Variants in GALM observed in about 807,000 individuals in gnomAD.
The protein encoded by GALM is aldose 1-epimerase.
Under a neutral mutation model 37.4 loss-of-function variants are expected in GALM, and 43 were observed. That is an observed-to-expected ratio of 1.15 (90% CI 0.90 to 1.48). GALM has a LOEUF of 1.48. GALM is among the 40% of genes most tolerant of loss of function. GALM has a pLI of 0.00. For missense variants in GALM, 456 were observed against 419.1 expected (o/e 1.09, Z -0.77); for synonymous variants, 199 against 170.6 (o/e 1.17, Z -1.30).
intron 4 of GALM, among the ~76,000 whole-genome samples, chr2:38,710,268 C>T (rs1164851440): frequency 6.6e-6 from 1 of 152,212 alleles, no homozygotes; most frequent in African/African-American, 2.4e-5. Flanking sequence ...TAGGTCCACA[C>T]TTGGAGGAGC....
intron 4 of GALM, among the ~76,000 whole-genome samples, chr2:38,728,115 C>T (rs971568821): frequency 6.6e-6 from 1 of 152,116 alleles, no homozygotes; most frequent in Admixed American, 6.5e-5. Context: ...CTTTTTAGGC[C>T]AGGAGTGGTG....
At chr2:38,714,285 G>T (rs762347698) in intron 4 of GALM, among the ~76,000 whole-genome samples, 1 of 151,998 alleles carries the variant, frequency 6.6e-6, no homozygotes, top group Non-Finnish European at 1.5e-5. Flanking sequence ...TGTGATCTCG[G>T]CTCACTGCAA....
At chr2:38,726,560 A>G (rs1380998002) in intron 4 of GALM, among the ~76,000 whole-genome samples, 1 of 152,034 alleles carries the variant, frequency 6.6e-6, no homozygotes. Context: ...ACAATGCTGT[A>G]TACAAACCAA....
chr2:38,672,211 C>T (rs575697450), intron 1 of GALM, among the ~76,000 whole-genome samples: 6 of 152,196 alleles, frequency 3.9e-5, no homozygotes, highest in Non-Finnish European at 7.3e-5. Flanking sequence ...CCCAGTGTGC[C>T]TCTGGCAGAG....
intron 4 of GALM, among the ~76,000 whole-genome samples, chr2:38,726,517 C>T (rs1266595834): frequency 1.3e-5 from 2 of 152,054 alleles, no homozygotes; most frequent in East Asian, 1.9e-4. Context: ...TGAGCCACCC[C>T]GCCTGGCCAA....
chr2:38,677,258 G>C (rs1292959506), intron 2 of GALM, among the ~76,000 whole-genome samples: 2 of 152,174 alleles, frequency 1.3e-5, no homozygotes, highest in African/African-American at 4.8e-5. Context: ...CAGGTTATTT[G>C]CTAGAGAAGA....
At chr2:38,715,488 A>G (rs1269677655) in intron 4 of GALM, among the ~76,000 whole-genome samples, 1 of 152,142 alleles carries the variant, frequency 6.6e-6, no homozygotes, top group East Asian at 1.9e-4. Context: ...CCCAGGCTGA[A>G]GTGCAGTGGT....
chr2:38,680,737 A>C (rs960032720), intron 2 of GALM, among the ~76,000 whole-genome samples: 1 of 152,182 alleles, frequency 6.6e-6, no homozygotes, highest in South Asian at 2.1e-4. Context: ...AAGAAAAATC[A>C]TCAAAGAAGA....
At chr2:38,692,528 G>T (rs1665702082) in intron 4 of GALM, among the ~76,000 whole-genome samples, 1 of 152,148 alleles carries the variant, frequency 6.6e-6, no homozygotes, top group Admixed American at 6.6e-5. Flanking sequence ...TGGGATTACA[G>T]GTGTGAGCCA....
chr2:38,674,779 A>T (rs530927952), intron 1 of GALM, among the ~76,000 whole-genome samples: 3 of 152,340 alleles, frequency 2.0e-5, no homozygotes, highest in Admixed American at 2.0e-4. Context: ...AAGCAGTGTT[A>T]TACAGTCCCC....
chr2:38,668,780 AAT>A (rs1665018206), intron 1 of GALM: 3 of 151,338 alleles, frequency 2.0e-5, no homozygotes, highest in African/African-American at 4.9e-5. Flanking sequence ...AATAAAAATA[AAT>A]AAATAAATAA....
intron 1 of GALM, among the ~76,000 whole-genome samples, chr2:38,671,162 G>C (rs565884429): frequency 6.6e-6 from 1 of 152,128 alleles, no homozygotes; most frequent in Non-Finnish European, 1.5e-5. Context: ...TAGGAACTTT[G>C]AACATTTTCA....
At chr2:38,690,709 A>G (rs1201124466) in intron 4 of GALM, among the ~76,000 whole-genome samples, 1 of 152,174 alleles carries the variant, frequency 6.6e-6, no homozygotes, top group African/African-American at 2.4e-5. Flanking sequence ...CTGGGATTAC[A>G]GGTGTAAGCC....
At chr2:38,686,926 G>A (rs1665551938) in intron 3 of GALM, among the ~76,000 whole-genome samples, 1 of 152,190 alleles carries the variant, frequency 6.6e-6, no homozygotes, top group South Asian at 2.1e-4. Context: ...TTTGTGCACA[G>A]GAAGTATGGA....
At position 38,731,769 on chromosome 2, in the gene GALM, G is replaced by T. The variant is rs1211755173; in HGVS notation, c.811G>T (p.Val271Leu). 6.2e-7 allele frequency: 1 copy of T among 1,613,948 alleles called. No homozygotes were observed. The highest frequency in any genetic ancestry group is 1.3e-5 in the African/African-American group (1 of 74,906). The change falls in exon 6 of 7, where the codon GTA becomes TTA. Residue 271 changes from valine (V) to leucine (L), a missense_variant. Transcript: ENST00000272252. ...TGCTGCAAGCGGGCGGGTACTAGAA[G>T]TATACACCACCCAGCCCGGGGTCCA... ...HHAASGRVLE[V>L]YTTQPGVQFY...
intron 1 of GALM, among the ~76,000 whole-genome samples, chr2:38,670,595 G>C (rs1421037055): frequency 2.0e-5 from 3 of 152,190 alleles, no homozygotes; most frequent in African/African-American, 7.2e-5. Flanking sequence ...CAAATGGATT[G>C]TGATGATTTA....
intron 4 of GALM, among the ~76,000 whole-genome samples, chr2:38,696,781 CTTTTTTTTTT>C (rs34163863): frequency 2.9e-5 from 2 of 68,474 alleles, no homozygotes; most frequent in East Asian, 1.1e-3. Context: ...CCCAAGAAAG[CTTTTTTTTTT>C]TTTTTTTTTT....
At chr2:38,715,076 C>G (rs1279149815) in intron 4 of GALM, among the ~76,000 whole-genome samples, 4 of 152,114 alleles carry the variant, frequency 2.6e-5, no homozygotes, top group African/African-American at 9.7e-5. Context: ...ATTGTCATAG[C>G]CTTTTGCTGA....
At chr2:38,727,998 AC>A (rs1666521936) in intron 4 of GALM, among the ~76,000 whole-genome samples, 1 of 152,184 alleles carries the variant, frequency 6.6e-6, no homozygotes, top group Admixed American at 6.5e-5. Context: ...TTGCCATTTG[AC>A]CACATGAAAG....
Sources: gnomAD v4.1 joint callset for allele counts (sites outside exome capture counted in the v4.1 genomes callset) on GRCh38, gnomAD v4.1.1 for gene constraint, MANE v1.5 for transcripts, NCBI Gene and HGNC (gene_info 2026-07-23, HGNC 2026-07-21) for gene names.